The following NELL1 variants were observed in gnomAD, a reference collection of about 807,000 sequenced individuals.
NELL1 encodes protein kinase C-binding protein NELL1.
A neutral mutation model predicts 107.4 loss-of-function variants in NELL1; 76 were observed. The observed-to-expected ratio is 0.71, with a 90% confidence interval of 0.59 to 0.86. The LOEUF is 0.86. Among genes scored for constraint, NELL1 ranks in the 40% least tolerant of loss-of-function variants. The pLI is 0.00. For missense variants in NELL1, 1,024 were observed against 1,005.5 expected, an observed-to-expected ratio of 1.02 and a Z score of -0.25; for synonymous variants, 353 against 341.2, an observed-to-expected ratio of 1.03 and a Z score of -0.38.
chr11:21,397,133 T>C (rs1851999810), intron 15 of NELL1, among the ~76,000 whole-genome samples: 1 of 151,696 alleles, frequency 6.6e-6, no homozygotes, highest in East Asian at 2.0e-4. Flanking sequence ...AAAAGTTCTC[T>C]TCTTTCCAGG....
chr11:20,677,340 A>G (rs1469116592), intron 1 of NELL1, among the ~76,000 whole-genome samples: 1 of 152,294 alleles, frequency 6.6e-6, no homozygotes, highest in Non-Finnish European at 1.5e-5. Context: ...TTGCTACTGC[A>G]TCAGTCTCTG....
rs989551688 is a variant in NELL1, at chr11:20,763,160, C to T, written c.185-20520C>T. ...GCCTCTCTCCTCCCTGGGGATTCGG[C>T]GTGAGGTATTTATTTACTCAGGGTT... On this transcript the variant is annotated intron_variant, in intron 2 of 19. Coordinates refer to ENST00000357134, the MANE Select transcript of NELL1 (RefSeq NM_006157.5). 1.1e-4 allele frequency among the ~76,000 whole-genome samples: 16 copies of T among 152,024 alleles called. No individual in the cohort carries two copies. The South Asian group carries it at 1.2e-3, about 12-fold the overall frequency.
At chr11:21,189,212 C>A (rs1856997967) in intron 13 of NELL1, among the ~76,000 whole-genome samples, 1 of 151,756 alleles carries the variant, frequency 6.6e-6, no homozygotes, top group South Asian at 2.1e-4. Flanking sequence ...ATCCTTTTTC[C>A]TGATGACTAG....
intron 4 of NELL1, among the ~76,000 whole-genome samples, chr11:20,855,973 C>T (rs902330427): frequency 2.6e-5 from 4 of 152,208 alleles, no homozygotes; most frequent in African/African-American, 9.7e-5. Flanking sequence ...ATTTTCTATA[C>T]TACTGTAACA....
At chr11:21,303,704 C>A (rs760803832) in intron 14 of NELL1, among the ~76,000 whole-genome samples, 2 of 152,046 alleles carry the variant, frequency 1.3e-5, no homozygotes, top group Non-Finnish European at 2.9e-5. Flanking sequence ...AAGATACATG[C>A]ACTTGTATGT....
chr11:21,263,642 C>A (rs947855230), intron 14 of NELL1, among the ~76,000 whole-genome samples: 1 of 151,916 alleles, frequency 6.6e-6, no homozygotes, highest in African/African-American at 2.4e-5. Flanking sequence ...GAAGAGGAAC[C>A]AGGTGTATAC....
At position 21,181,758 on chromosome 11, in the gene NELL1, A is replaced by G. The variant is rs145315606; in HGVS notation, c.1427-47574A>G. Reference sequence around the variant, plus strand: ...CCACTTTCTTAAATGGACTGCAGAAAAATTGCAGAAACCTTAAATCTTCAT... The same window carrying G: ...CCACTTTCTTAAATGGACTGCAGAAGAATTGCAGAAACCTTAAATCTTCAT... On this transcript the variant is annotated intron_variant, in intron 13 of 19. Coordinates refer to ENST00000357134, the MANE Select transcript of NELL1 (RefSeq NM_006157.5). 9.1e-3 allele frequency among the ~76,000 whole-genome samples: 1,380 copies of G among 151,948 alleles called. 60 individuals carry two copies. The highest frequency in any genetic ancestry group is 0.032 in the African/African-American group (1,314 of 41,232).
At chr11:21,293,522 G>T (rs1176753133) in intron 14 of NELL1, among the ~76,000 whole-genome samples, 3 of 152,162 alleles carry the variant, frequency 2.0e-5, no homozygotes, top group Non-Finnish European at 4.4e-5. Flanking sequence ...AGACAGTGTG[G>T]TGATTCCTCA....
intron 14 of NELL1, among the ~76,000 whole-genome samples, chr11:21,256,008 G>T (rs1001728932): frequency 1.3e-5 from 2 of 151,686 alleles, no homozygotes; most frequent in African/African-American, 4.8e-5. Flanking sequence ...CTAACACTCG[G>T]TATATATATC....
intron 5 of NELL1, among the ~76,000 whole-genome samples, chr11:20,887,040 G>T (rs769684013): frequency 6.6e-6 from 1 of 151,950 alleles, no homozygotes. Flanking sequence ...GCAACCACTG[G>T]TCTGTTTTCT....
chr11:21,216,853 G>A (rs1291472840), intron 13 of NELL1, among the ~76,000 whole-genome samples: 1 of 152,154 alleles, frequency 6.6e-6, no homozygotes, highest in Admixed American at 6.5e-5. Flanking sequence ...GCTAGAATGA[G>A]TTAGGACTTT....
intron 15 of NELL1, among the ~76,000 whole-genome samples, chr11:21,498,800 G>A (rs1855057751): frequency 6.6e-6 from 1 of 151,928 alleles, no homozygotes; most frequent in African/African-American, 2.4e-5. Context: ...TATTTTCACT[G>A]CTGCTTGGTG....
At chr11:20,724,183 C>T (rs569454782) in intron 2 of NELL1, among the ~76,000 whole-genome samples, 2 of 152,218 alleles carry the variant, frequency 1.3e-5, no homozygotes, top group Non-Finnish European at 2.9e-5. Context: ...CTCTGCAATG[C>T]TGTGGAGACA....
intron 2 of NELL1, among the ~76,000 whole-genome samples, chr11:20,736,523 T>A (rs1389205781): frequency 1.3e-5 from 2 of 152,174 alleles, no homozygotes; most frequent in Non-Finnish European, 2.9e-5. Context: ...GAGTTTCTCA[T>A]TCAGAGAAGA....
intron 13 of NELL1, among the ~76,000 whole-genome samples, chr11:21,192,301 C>G (rs769084465): frequency 6.6e-6 from 1 of 151,818 alleles, no homozygotes; most frequent in Non-Finnish European, 1.5e-5. Context: ...ATATTTTAAA[C>G]GGTGTATTAA....
chr11:21,202,531 T>C (rs932518576), intron 13 of NELL1, among the ~76,000 whole-genome samples: 2 of 152,178 alleles, frequency 1.3e-5, no homozygotes, highest in African/African-American at 4.8e-5. Flanking sequence ...TCTTTATTAG[T>C]CTGGCTAGTG....
chr11:21,363,924 C>T (rs971106907), intron 14 of NELL1, among the ~76,000 whole-genome samples: 4 of 152,076 alleles, frequency 2.6e-5, no homozygotes, highest in Non-Finnish European at 4.4e-5. Context: ...CAACCCATGC[C>T]TCTCCCATCT....
chr11:20,970,411 C>A (rs528506539), intron 12 of NELL1, among the ~76,000 whole-genome samples: 1 of 151,474 alleles, frequency 6.6e-6, no homozygotes, highest in Non-Finnish European at 1.5e-5. Flanking sequence ...AGCCATAGAT[C>A]GTATCCTCAA....
chr11:21,415,077 C>T (rs575026105), intron 15 of NELL1, among the ~76,000 whole-genome samples: 31 of 152,220 alleles, frequency 2.0e-4, no homozygotes, highest in African/African-American at 7.5e-4. Flanking sequence ...ATGCTATTCA[C>T]TCCTGCAGGG....
Sources: gnomAD v4.1 joint callset for allele counts (sites outside exome capture counted in the v4.1 genomes callset) on GRCh38, gnomAD v4.1.1 for gene constraint, MANE v1.5 for transcripts, NCBI Gene and HGNC (gene_info 2026-07-23, HGNC 2026-07-21) for gene names.